The following CEP128 variants were observed in gnomAD, a reference collection of about 807,000 sequenced individuals.
CEP128 encodes centrosomal protein 128kDa.
In CEP128, 132 loss-of-function variants were observed where a neutral mutation model predicts 156.7. That is an observed-to-expected ratio of 0.84 (90% confidence interval 0.73 to 0.97). The LOEUF is 0.97. CEP128 is among the 50% of genes least tolerant of loss of function. The pLI is 0.00. For synonymous variants in CEP128, 469 were observed against 448.9 expected (o/e 1.04, Z -0.57); for missense variants, 1,252 against 1,281.9 (o/e 0.98, Z 0.36).
chr14:80,915,357 G>C (rs1379385564), intron 3 of CEP128, among the ~76,000 whole-genome samples: 1 of 152,114 alleles, frequency 6.6e-6, no homozygotes, highest in Admixed American at 6.5e-5. Context: ...AAAAGGATAG[G>C]TCCTCTGGTT....
intron 19 of CEP128, among the ~76,000 whole-genome samples, chr14:80,698,699 G>T (rs892417827): frequency 1.3e-5 from 2 of 151,840 alleles, no homozygotes; most frequent in African/African-American, 4.8e-5. Context: ...GGCGCATATG[G>T]GAAATTTATA....
At chr14:80,516,122 C>A (rs1440342480) in intron 23 of CEP128, among the ~76,000 whole-genome samples, 1 of 152,152 alleles carries the variant, frequency 6.6e-6, no homozygotes, top group Non-Finnish European at 1.5e-5. Flanking sequence ...CACACCTCAG[C>A]CTCCCAAAGT....
intron 6 of CEP128, among the ~76,000 whole-genome samples, chr14:80,900,845 G>A (rs1883510764): frequency 6.6e-6 from 1 of 152,192 alleles, no homozygotes; most frequent in Non-Finnish European, 1.5e-5. Context: ...TTTTAAAGCA[G>A]AAACAGTGTC....
chr14:80,499,686 T>A (rs1258941228), intron 24 of CEP128, among the ~76,000 whole-genome samples: 1 of 152,180 alleles, frequency 6.6e-6, no homozygotes, highest in Non-Finnish European at 1.5e-5. Context: ...AACTAGAGAT[T>A]TCTAGAAGTC....
chr14:80,541,795 G>A (rs1406813869), intron 21 of CEP128, among the ~76,000 whole-genome samples: 1 of 152,166 alleles, frequency 6.6e-6, no homozygotes, highest in Non-Finnish European at 1.5e-5. Flanking sequence ...GCTTAAATGA[G>A]CTCACTGATT....
intron 9 of CEP128, among the ~76,000 whole-genome samples, chr14:80,857,821 A>T (rs1337314234): frequency 3.3e-5 from 5 of 152,164 alleles, no homozygotes; most frequent in African/African-American, 7.2e-5. Context: ...CAATTTAAGA[A>T]AGATAATATT....
intron 19 of CEP128, among the ~76,000 whole-genome samples, chr14:80,653,719 G>T (rs1390943630): frequency 6.6e-6 from 1 of 151,940 alleles, no homozygotes; most frequent in African/African-American, 2.4e-5. Flanking sequence ...AATCTCCTCC[G>T]TCCATGTCTA....
chr14:80,863,540 T>C (rs921175258), intron 8 of CEP128, among the ~76,000 whole-genome samples: 1 of 152,200 alleles, frequency 6.6e-6, no homozygotes, highest in East Asian at 1.9e-4. Context: ...AAATTCTCCT[T>C]ACTAAAAGTT....
intron 19 of CEP128, among the ~76,000 whole-genome samples, chr14:80,726,675 C>T (rs751289513): frequency 6.6e-6 from 1 of 152,168 alleles, no homozygotes; most frequent in African/African-American, 2.4e-5. Flanking sequence ...TCAGCACCAA[C>T]TGAACTTAAG....
intron 21 of CEP128, among the ~76,000 whole-genome samples, chr14:80,538,203 A>C (rs1889573639): frequency 1.3e-5 from 2 of 152,158 alleles, no homozygotes; most frequent in African/African-American, 4.8e-5. Context: ...GTAACTTCTA[A>C]AACGTGAAGA....
intron 21 of CEP128, among the ~76,000 whole-genome samples, chr14:80,553,591 C>A (rs1033827135): frequency 5.9e-5 from 9 of 152,174 alleles, no homozygotes; most frequent in Admixed American, 3.3e-4. Context: ...ACTCCCCTTA[C>A]CTTGTTCTTC....
intron 19 of CEP128, among the ~76,000 whole-genome samples, chr14:80,592,542 G>T (rs996639336): frequency 6.6e-6 from 1 of 152,060 alleles, no homozygotes; most frequent in Non-Finnish European, 1.5e-5. Flanking sequence ...AGGACCAGAC[G>T]GATTCACAGC....
intron 19 of CEP128, among the ~76,000 whole-genome samples, chr14:80,740,775 C>T: frequency 6.6e-6 from 1 of 152,116 alleles, no homozygotes; most frequent in East Asian, 1.9e-4. Context: ...TTGACAATGG[C>T]TTATTTCACC....
chr14:80,798,962 T>A (rs117273133), intron 13 of CEP128, among the ~76,000 whole-genome samples: 5 of 152,354 alleles, frequency 3.3e-5, no homozygotes, highest in Non-Finnish European at 7.3e-5. Flanking sequence ...ATATTTTAAA[T>A]AATCATTTTC....
At chr14:80,837,365 C>T (rs898142113) in intron 11 of CEP128, among the ~76,000 whole-genome samples, 1 of 152,186 alleles carries the variant, frequency 6.6e-6, no homozygotes, top group African/African-American at 2.4e-5. Context: ...GAACTTTAAA[C>T]ATCAGAAGCG....
chr14:80,850,117 A>ATTTATATCTAG (rs1886813377), intron 9 of CEP128, among the ~76,000 whole-genome samples: 1 of 152,198 alleles, frequency 6.6e-6, no homozygotes, highest in African/African-American at 2.4e-5. Flanking sequence ...GCATGAAACT[A>ATTTATATCTAG]TAATACAAAG....
chr14:80,666,477 C>T (rs1219433934), intron 19 of CEP128, among the ~76,000 whole-genome samples: 1 of 152,112 alleles, frequency 6.6e-6, no homozygotes, highest in South Asian at 2.1e-4. Context: ...GGGCCCCTTC[C>T]CCAGTCAGAA....
At chr14:80,958,909 A>T (rs941425479) in intron 1 of CEP128, among the ~76,000 whole-genome samples, 7 of 152,154 alleles carry the variant, frequency 4.6e-5, no homozygotes, top group African/African-American at 1.7e-4. Flanking sequence ...GTTCCTGTAG[A>T]GTTATTTGCA....
intron 2 of CEP128, among the ~76,000 whole-genome samples, chr14:80,925,004 T>G (rs1298575198): frequency 1.3e-5 from 2 of 152,076 alleles, no homozygotes; most frequent in Non-Finnish European, 2.9e-5. Flanking sequence ...GTTTCTGGTT[T>G]TGGTAGCTGG....
Sources: gnomAD v4.1 joint callset for allele counts (sites outside exome capture counted in the v4.1 genomes callset) on GRCh38, gnomAD v4.1.1 for gene constraint, MANE v1.5 for transcripts, NCBI Gene and HGNC (gene_info 2026-07-23, HGNC 2026-07-21) for gene names.